Variants in ADAMTS16 observed in about 807,000 individuals in gnomAD.
ADAMTS16 encodes A disintegrin and metalloproteinase with thrombospondin motifs 16.
Under a neutral mutation model 145.8 loss-of-function variants are expected in ADAMTS16, and 94 were observed. The ratio of observed to expected loss-of-function variants is 0.64; its 90% CI spans 0.55 to 0.77. ADAMTS16 has a LOEUF of 0.77. ADAMTS16 is among the 30% of genes least tolerant of loss of function. ADAMTS16 has a pLI of 0.00. For synonymous variants in ADAMTS16, 659 were observed against 604.3 expected, an observed-to-expected ratio of 1.09 and a Z score of -1.33; for missense variants, 1,585 against 1,591.5, an observed-to-expected ratio of 1.00 and a Z score of 0.07.
rs1738380938 is a variant in ADAMTS16, at chr5:5,269,443, T to TC, written c.2789+6664dup. On this transcript the variant is annotated intron_variant, in intron 18 of 22. Transcript: ENST00000274181. The surrounding 1 kb of genome is among the most constrained non-coding windows in gnomAD (Gnocchi z 4.3). ...TTACACCTGCCCCTGGGTCATTTGC[T>TC]CCCCACCTCCCAGGACATTGAGTTC... Among the ~76,000 whole-genome samples the TC allele has an allele frequency of 6.6e-6, 1 of 151,996 alleles. No individual in the cohort carries two copies.
At position 5,234,925 on chromosome 5, in the gene ADAMTS16, CTT is replaced by C. The variant is rs1737051692; in HGVS notation, c.1851-88_1851-87del. The C allele has an allele frequency of 2.6e-6, 3 of 1,145,684 alleles. No individual in the cohort carries two copies. In the African/African-American group the frequency reaches 4.8e-5, roughly 18 times the overall value. The allele number at this position is 1,145,684 out of a possible 1,614,324, so 71.0% of individuals were successfully genotyped here. A position where few individuals can be genotyped will look rare whatever the true frequency, so the allele number is the denominator to read the frequency against. On this transcript the variant is annotated intron_variant, in intron 12 of 22. Coordinates refer to ENST00000274181, the MANE Select transcript of ADAMTS16 (RefSeq NM_139056.4). The stretch of plus-strand genomic sequence containing the variant: ...TTTCCTAATTACCCATTCTAACACT[CTT>C]AGCTTCATCTCTCCAATAAGCCTAA...
chr5:5,187,691 T>C, intron 5 of ADAMTS16, 34 bp from the exon 6 acceptor site: 1 of 1,494,978 alleles, frequency 6.7e-7, no homozygotes, highest in East Asian at 2.3e-5. Flanking sequence ...AAATGCCATT[T>C]ATGGGGCTGA....
intron 20 of ADAMTS16, among the ~76,000 whole-genome samples, chr5:5,304,466 T>C (rs1334107301): frequency 6.6e-6 from 1 of 152,088 alleles, no homozygotes; most frequent in Non-Finnish European, 1.5e-5. Flanking sequence ...CAGCCAAGCA[T>C]GAACCTGTCT....
intron 10 of ADAMTS16, among the ~76,000 whole-genome samples, chr5:5,217,458 T>C (rs1455122663): frequency 6.6e-6 from 1 of 152,240 alleles, no homozygotes; most frequent in Non-Finnish European, 1.5e-5. Context: ...GTTTGTCCAA[T>C]GTTATCTTCT....
At chr5:5,209,435 G>A (rs181625245) in intron 10 of ADAMTS16, among the ~76,000 whole-genome samples, 189 bp downstream of exon 10, 477 of 152,306 alleles carry the variant, frequency 3.1e-3, no homozygotes, top group Middle Eastern at 0.027. Flanking sequence ...AGATACTGTT[G>A]TGGGTATCAG....
intron 17 of ADAMTS16, among the ~76,000 whole-genome samples, chr5:5,251,453 G>T (rs1737619388): frequency 6.6e-6 from 1 of 152,174 alleles, no homozygotes; most frequent in Non-Finnish European, 1.5e-5. Flanking sequence ...TCCAAAGAAA[G>T]TTCCTTAGAA....
chr5:5,226,416 T>C (rs79425458), intron 11 of ADAMTS16, among the ~76,000 whole-genome samples: 1 of 152,156 alleles, frequency 6.6e-6, no homozygotes, highest in Non-Finnish European at 1.5e-5. Flanking sequence ...GAGAACAGCA[T>C]GGGAAAGACC....
At chr5:5,229,903 T>C (rs989085660) in intron 11 of ADAMTS16, among the ~76,000 whole-genome samples, 5 of 152,176 alleles carry the variant, frequency 3.3e-5, no homozygotes, top group Admixed American at 1.3e-4. Flanking sequence ...TAATGGCTGC[T>C]AAAAGTATTA....
At chr5:5,315,726 C>T (rs1734033388) in intron 21 of ADAMTS16, among the ~76,000 whole-genome samples, 1 of 152,190 alleles carries the variant, frequency 6.6e-6, no homozygotes, top group African/African-American at 2.4e-5. Flanking sequence ...TGTGGTTCTG[C>T]AGAATGTTCC....
In ADAMTS16 at chr5:5,242,181, C is replaced by T; in HGVS notation, c.2652C>T (p.Ser884=). 1 of 1,613,938 alleles carries T rather than the reference C, an allele frequency of 6.2e-7. No individual in the cohort carries two copies. The highest frequency in any genetic ancestry group is 8.5e-7 in the Non-Finnish European group (1 of 1,180,002). The change falls in exon 17 of 23, where the codon TCC becomes TCT. Residue 884 remains serine, a synonymous_variant. Coordinates refer to ENST00000274181, the MANE Select transcript of ADAMTS16 (RefSeq NM_139056.4). The stretch of plus-strand genomic sequence containing the variant: ...TCGTGCGCTCTGAGTGCTCCGTGTC[C>T]TGCGGAGGGGGTAGGTGCCTTCCAG... ...WAIVRSECSV[S]CGGGQMTVRE...
At chr5:5,190,782 G>T (rs943775733) in intron 7 of ADAMTS16, among the ~76,000 whole-genome samples, 1 of 152,084 alleles carries the variant, frequency 6.6e-6, no homozygotes, top group African/African-American at 2.4e-5. Flanking sequence ...GCAAGTTAAC[G>T]TGGTGTCCCG....
In ADAMTS16 at chr5:5,258,819, CATATGT is replaced by C. The variant is rs1265241536; in HGVS notation, c.2663-3821_2663-3816del. ...TGGGAGTGGCAGGAATGTGTGCATGCATATGTATATGTATATGTATATATATATATA... is the reference window on the plus strand; with the variant it reads ...TGGGAGTGGCAGGAATGTGTGCATGCATATGTATATGTATATATATATATA... On this transcript the variant is annotated intron_variant, in intron 17 of 22. Transcript: ENST00000274181. 2.1e-3 allele frequency among the ~76,000 whole-genome samples: 315 copies of C among 151,518 alleles called. 1 individual carries two copies. Among genetic ancestry groups the C allele is most frequent in the Non-Finnish European group, 1.0e-3 (69 of 67,764 alleles).
intron 11 of ADAMTS16, among the ~76,000 whole-genome samples, chr5:5,226,974 T>C (rs552836263): frequency 6.6e-6 from 1 of 151,168 alleles, no homozygotes; most frequent in Non-Finnish European, 1.5e-5. Context: ...CTTCGGTCAC[T>C]GGGGACCTCT....
intron 18 of ADAMTS16, among the ~76,000 whole-genome samples, chr5:5,276,966 G>A (rs369798242): frequency 4.6e-5 from 7 of 152,244 alleles, no homozygotes; most frequent in East Asian, 1.9e-4. Context: ...CCGAGGCCTC[G>A]TTTTCGAAAG....
At chr5:5,292,151 C>T (rs1739348992) in intron 18 of ADAMTS16, among the ~76,000 whole-genome samples, 1 of 152,206 alleles carries the variant, frequency 6.6e-6, no homozygotes, top group Admixed American at 6.5e-5. Flanking sequence ...TACCTACAGT[C>T]TAGCTTCCTC....
intron 18 of ADAMTS16, among the ~76,000 whole-genome samples, chr5:5,271,089 T>G (rs939122487): frequency 1.3e-5 from 2 of 152,206 alleles, no homozygotes; most frequent in Non-Finnish European, 2.9e-5. Context: ...CACAGCCTTA[T>G]CACTTTTAAC....
At chr5:5,318,027 C>T in intron 21 of ADAMTS16, 107 bp from the exon 22 acceptor site, 1 of 1,216,066 alleles carries the variant, frequency 8.2e-7, no homozygotes, top group Non-Finnish European at 1.1e-6. Context: ...GTCGCTCTTC[C>T]CTCACTGGCC....
At chr5:5,150,555 G>A (rs955006928) in intron 3 of ADAMTS16, among the ~76,000 whole-genome samples, 4 of 152,180 alleles carry the variant, frequency 2.6e-5, no homozygotes, top group Admixed American at 6.5e-5. Context: ...ATGACGTGCT[G>A]GACAAGTTCT....
chr5:5,303,089 A>T (rs1251459161), intron 18 of ADAMTS16, among the ~76,000 whole-genome samples, 179 bp from the exon 19 acceptor site: 1 of 152,168 alleles, frequency 6.6e-6, no homozygotes, highest in Non-Finnish European at 1.5e-5. Context: ...GAGGTGAGAA[A>T]CAGCAGGCGC....
Sources: gnomAD v4.1 joint callset for allele counts (sites outside exome capture counted in the v4.1 genomes callset) on GRCh38, gnomAD v4.1.1 for gene constraint, Gnocchi (gnomAD v3.1) non-coding constraint, MANE v1.5 for transcripts, NCBI Gene and HGNC (gene_info 2026-07-23, HGNC 2026-07-21) for gene names.